PLD5: variants seen among roughly 807,000 people sequenced by gnomAD.
PLD5 encodes the protein inactive phospholipase D5.
In PLD5, 36 loss-of-function variants were observed where a neutral mutation model predicts 61.1. That is an observed-to-expected ratio of 0.59 (90% CI 0.45 to 0.78). PLD5 has a LOEUF of 0.78. PLD5 is among the 30% of genes least tolerant of loss of function. PLD5 has a pLI of 0.00. For missense variants in PLD5, 515 were observed against 644.4 expected (o/e 0.80, Z 2.17); for synonymous variants, 243 against 242.8 (o/e 1.00, Z -0.01).
intron 1 of PLD5, among the ~76,000 whole-genome samples, chr1:242,452,063 T>C (rs530298418): frequency 6.6e-6 from 1 of 152,256 alleles, no homozygotes; most frequent in African/African-American, 2.4e-5. Context: ...CCAACAGGGC[T>C]GAATGGCAAG....
At chr1:242,419,029 T>C (rs1164870465) in intron 1 of PLD5, among the ~76,000 whole-genome samples, 4 of 152,148 alleles carry the variant, frequency 2.6e-5, no homozygotes, top group Non-Finnish European at 4.4e-5. Context: ...CACAGAGACA[T>C]TGGGTCAAGT....
At chr1:242,348,359 G>A in intron 1 of PLD5, 117 bp from the exon 2 acceptor site, 1 of 1,121,106 alleles carries the variant, frequency 8.9e-7, no homozygotes, top group African/African-American at 1.6e-5. Flanking sequence ...GATTATCACT[G>A]CCTAGAAGGG....
Position 242,378,445 on chromosome 1 carries a change from C to A in PLD5, c.190-30203G>T, listed in dbSNP as rs6671090. Among the ~76,000 whole-genome samples, 1,260 of 152,236 alleles carry A rather than the reference C, an allele frequency of 8.3e-3. 13 individuals are homozygous for A. Among genetic ancestry groups the A allele is most frequent in the African/African-American group, 0.029 (1,196 of 41,532 alleles). On this transcript the variant is annotated intron_variant, in intron 1 of 9. Transcript: ENST00000536534. ...TTCTGTGGATGGATGGTGGCAATGA[C>A]AGCACAACAACGTGAATGTACTTAA...
intron 2 of PLD5, among the ~76,000 whole-genome samples, chr1:242,326,979 C>T (rs1658832843): frequency 6.6e-6 from 1 of 152,052 alleles, no homozygotes; most frequent in Non-Finnish European, 1.5e-5. Flanking sequence ...GATTCTCCTG[C>T]CTCAGCCTCC....
chr1:242,146,854 G>C (rs557855353), intron 5 of PLD5, among the ~76,000 whole-genome samples: 1 of 152,216 alleles, frequency 6.6e-6, no homozygotes, highest in Non-Finnish European at 1.5e-5. Context: ...GGACTCACAG[G>C]AAGCCTTTTC....
At chr1:242,493,375 T>G (rs1226619554) in intron 1 of PLD5, among the ~76,000 whole-genome samples, 1 of 152,118 alleles carries the variant, frequency 6.6e-6, no homozygotes, top group African/African-American at 2.4e-5. Flanking sequence ...TGCTGAAGCC[T>G]CGACATGCAG....
At chr1:242,395,058 T>TGAATATATATGAATATAA (rs1329166337) in intron 1 of PLD5, among the ~76,000 whole-genome samples, 1 of 104,876 alleles carries the variant, frequency 9.5e-6, no homozygotes, top group Non-Finnish European at 1.8e-5. Flanking sequence ...TATGAATATA[T>TGAATATATATGAATATAA]ATGTATATAT....
chr1:242,124,486 T>C lies in PLD5; in HGVS notation c.915A>G (p.Lys305=). 2 of 1,613,724 alleles carry C rather than the reference T, an allele frequency of 1.2e-6. No individual in the cohort carries two copies. The highest frequency in any genetic ancestry group is 1.1e-5 in the South Asian group (1 of 91,010). Residue 305 remains lysine, a synonymous_variant, in exon 6 of 10, where the codon AAA becomes AAG. Transcript: ENST00000536534. ...AACTCACCGATACAAATGCTTGAGA[T>C]TTGGTTTCATTCAACTGAAGTTGCA... ...KKLQLQLNET[K]SQAFVSNSPK...
intron 1 of PLD5, among the ~76,000 whole-genome samples, chr1:242,472,605 A>G (rs1667477686): frequency 1.3e-5 from 2 of 152,232 alleles, no homozygotes; most frequent in Admixed American, 6.5e-5. Context: ...TCTACTTGAT[A>G]TTCTCAATTA....
rs953872918 is a variant in PLD5 at position 242,088,052 on chromosome 1, A to G, written c.*1802T>C. 4 of 152,226 alleles carry G rather than the reference A, an allele frequency of 2.6e-5. No individual in the cohort carries two copies. Among genetic ancestry groups the G allele is most frequent in the African/African-American group, 9.6e-5 (4 of 41,454 alleles). 9.4% of individuals were successfully genotyped at this position (152,226 alleles called of 1,614,324 possible). A position where few individuals can be genotyped will look rare whatever the true frequency, so the allele number is the denominator to read the frequency against. ...ACTGGATAACCAACATAGCCATTCTATATTAAGTAAATCCATTGGATAAGA... is the reference window on the plus strand; with the variant it reads ...ACTGGATAACCAACATAGCCATTCTGTATTAAGTAAATCCATTGGATAAGA... On this transcript the variant is annotated 3_prime_UTR_variant, in exon 10 of 10. Coordinates refer to ENST00000536534, the MANE Select transcript of PLD5 (RefSeq NM_001372062.1).
chr1:242,393,630 A>ATATATATGTGTATATATGAG (rs1558524335), intron 1 of PLD5, among the ~76,000 whole-genome samples: 3 of 100,836 alleles, frequency 3.0e-5, no homozygotes, highest in Non-Finnish European at 5.7e-5. Context: ...ATATATGAGT[A>ATATATATGTGTATATATGAG]TATATATGTG....
chr1:242,276,399 ATATACATATTG>A lies in PLD5; in HGVS notation c.496-10962_496-10952del, dbSNP rs1232737343. Among the ~76,000 whole-genome samples the A allele has an allele frequency of 3.3e-4, 23 of 69,368 alleles. 1 individual carries two copies. The highest frequency in any genetic ancestry group is 9.8e-4 in the Admixed American group (5 of 5,128). 45.5% of individuals were successfully genotyped at this position (69,368 alleles called of 152,430 possible). ...ATATTTACAATTATATATAAATTAT[ATATACATATTG>A]TATACATTTGTATATATACACAAAT... is the stretch of plus-strand genomic sequence containing the variant. On this transcript the variant is annotated intron_variant, in intron 3 of 9. Coordinates refer to ENST00000536534, the MANE Select transcript of PLD5 (RefSeq NM_001372062.1).
At chr1:242,318,409 C>G (rs1178183554) in intron 2 of PLD5, among the ~76,000 whole-genome samples, 1 of 152,154 alleles carries the variant, frequency 6.6e-6, no homozygotes, top group Admixed American at 6.5e-5. Context: ...TGGGCACTAC[C>G]AGAACCTGGA....
In PLD5 at chr1:242,370,268, C is replaced by T. The variant is rs563342539; in HGVS notation, c.190-22026G>A. On this transcript the variant is annotated intron_variant, in intron 1 of 9. Coordinates refer to ENST00000536534, the MANE Select transcript of PLD5 (RefSeq NM_001372062.1). Reference sequence around the variant, plus strand: ...ACATGCAGCCACTGGTGGCATGAGGCAAGAGAAGAAAAATGTGTTTCATCC... The same window carrying T: ...ACATGCAGCCACTGGTGGCATGAGGTAAGAGAAGAAAAATGTGTTTCATCC... 3.2e-4 allele frequency among the ~76,000 whole-genome samples: 49 copies of T among 152,216 alleles called. 2 individuals are homozygous for T. In the South Asian group the frequency reaches 1.0e-2, roughly 31 times the overall value.
chr1:242,363,899 A>C (rs1184891232), intron 1 of PLD5, among the ~76,000 whole-genome samples: 1 of 152,252 alleles, frequency 6.6e-6, no homozygotes, highest in Admixed American at 6.5e-5. Context: ...CCAGGAAAAG[A>C]CAAATAAAAA....
chr1:242,121,888 C>A (rs1316703325), intron 6 of PLD5, among the ~76,000 whole-genome samples: 2 of 134,748 alleles, frequency 1.5e-5, no homozygotes, highest in African/African-American at 5.7e-5. Context: ...GGGAACTGAA[C>A]AATGAGAACA....
rs570683580 is a variant in PLD5 at position 242,467,017 on chromosome 1, A to C, written c.189+57071T>G. ...TAACAAGTTTCAGTTAGGAGGAATA[A>C]GTTTTCAAGATCTATTGCACAGCAT... On this transcript the variant is annotated intron_variant, in intron 1 of 9. Transcript: ENST00000536534. Among the ~76,000 whole-genome samples the C allele has an allele frequency of 1.8e-3, 276 of 152,274 alleles. 2 individuals are homozygous for C. The highest frequency in any genetic ancestry group is 6.3e-3 in the African/African-American group (262 of 41,560).
intron 1 of PLD5, among the ~76,000 whole-genome samples, chr1:242,468,948 A>T (rs1667359014): frequency 6.6e-6 from 1 of 152,146 alleles, no homozygotes; most frequent in African/African-American, 2.4e-5. Context: ...GAGAAGAAAA[A>T]TAACTTCCTC....
At chr1:242,158,789 T>C (rs541376925) in intron 5 of PLD5, among the ~76,000 whole-genome samples, 2 of 152,188 alleles carry the variant, frequency 1.3e-5, no homozygotes, top group East Asian at 1.9e-4. Context: ...TCCTATTTTT[T>C]CTTTGTCCTT....
Sources: allele counts gnomAD v4.1 joint callset (sites outside exome capture counted in the v4.1 genomes callset), GRCh38; gene constraint gnomAD v4.1.1; transcripts MANE v1.5; gene names NCBI Gene and HGNC (gene_info 2026-07-23, HGNC 2026-07-21).